Variants in GPC5 observed in about 807,000 individuals in gnomAD.
The protein encoded by GPC5 is glypican 5.
A neutral mutation model predicts 53.9 loss-of-function variants in GPC5; 47 were observed. The observed-to-expected ratio is 0.87, with a 90% CI of 0.69 to 1.11. GPC5 has a LOEUF of 1.11. Ranked by LOEUF, GPC5 falls within the 50% of genes most tolerant of loss-of-function variation. The pLI is 0.00. For synonymous variants in GPC5, 286 were observed against 263.3 expected, an observed-to-expected ratio of 1.09 and a Z score of -0.84; for missense variants, 748 against 713.1, an observed-to-expected ratio of 1.05 and a Z score of -0.56.
intron 2 of GPC5, among the ~76,000 whole-genome samples, chr13:91,551,612 A>G (rs2030643358): frequency 6.6e-6 from 1 of 152,120 alleles, no homozygotes. Flanking sequence ...TTAAAAATGT[A>G]TTGTACAATG....
chr13:91,533,014 T>A (rs969953058), intron 2 of GPC5, among the ~76,000 whole-genome samples: 17 of 152,182 alleles, frequency 1.1e-4, no homozygotes, highest in African/African-American at 3.9e-4. Flanking sequence ...GATGTATAAG[T>A]GTGTGGATGA....
intron 2 of GPC5, among the ~76,000 whole-genome samples, chr13:91,621,761 T>TATATATATATATA (rs11462875): frequency 0.11 from 4,905 of 45,870 alleles, 1,013 homozygotes; most frequent in Non-Finnish European, 0.16. Context: ...GGACAGAACA[T>TATATATATATATA]TATATATATA....
chr13:91,923,097 C>T (rs1354642151), intron 6 of GPC5, among the ~76,000 whole-genome samples: 2 of 152,156 alleles, frequency 1.3e-5, no homozygotes, highest in Non-Finnish European at 2.9e-5. Context: ...CTCTAGTTAC[C>T]CTAAGGTTGA....
intron 5 of GPC5, among the ~76,000 whole-genome samples, chr13:91,869,455 C>A (rs1289842602): frequency 6.6e-6 from 1 of 152,158 alleles, no homozygotes; most frequent in African/African-American, 2.4e-5. Context: ...ACTGCAATAT[C>A]TTCTGAAAAT....
intron 5 of GPC5, among the ~76,000 whole-genome samples, chr13:91,820,768 C>T (rs1176449127): frequency 3.9e-5 from 6 of 152,022 alleles, no homozygotes; most frequent in African/African-American, 7.2e-5. Flanking sequence ...TCGAGACCAT[C>T]CTGGCTAACA....
At chr13:92,303,379 A>C (rs902268092) in intron 7 of GPC5, among the ~76,000 whole-genome samples, 1 of 152,208 alleles carries the variant, frequency 6.6e-6, no homozygotes, top group Non-Finnish European at 1.5e-5. Flanking sequence ...AGAATGTCTC[A>C]TTCTGAAATA....
chr13:91,726,105 C>T (rs115967704), intron 3 of GPC5, among the ~76,000 whole-genome samples: 223 of 152,206 alleles, frequency 1.5e-3, no homozygotes, highest in African/African-American at 4.5e-3. Flanking sequence ...TAATTTAGCA[C>T]GTTTCTAATA....
intron 5 of GPC5, among the ~76,000 whole-genome samples, chr13:91,816,503 G>A (rs1310863260): frequency 6.6e-6 from 1 of 152,082 alleles, no homozygotes; most frequent in Non-Finnish European, 1.5e-5. Flanking sequence ...AATTCACCCA[G>A]CATTGAAATC....
chr13:92,602,775 T>C (rs187564943), intron 7 of GPC5, among the ~76,000 whole-genome samples: 2 of 152,298 alleles, frequency 1.3e-5, no homozygotes, highest in Admixed American at 1.3e-4. Flanking sequence ...ATTGCTGTGT[T>C]GGACCATACT....
At chr13:91,984,750 T>G (rs753578535) in intron 6 of GPC5, among the ~76,000 whole-genome samples, 1 of 152,226 alleles carries the variant, frequency 6.6e-6, no homozygotes, top group African/African-American at 2.4e-5. Context: ...TCTTTTTCAT[T>G]AAAAAGCCTA....
chr13:92,324,198 T>A (rs1566539059), intron 7 of GPC5, among the ~76,000 whole-genome samples: 1 of 152,012 alleles, frequency 6.6e-6, no homozygotes, highest in Non-Finnish European at 1.5e-5. Flanking sequence ...TATGTTTGCA[T>A]ATATAGGATA....
intron 5 of GPC5, among the ~76,000 whole-genome samples, chr13:91,893,645 C>A (rs1319352488): frequency 6.6e-6 from 1 of 152,080 alleles, no homozygotes; most frequent in Non-Finnish European, 1.5e-5. Flanking sequence ...ATGTATCTGA[C>A]AAAATAGGAC....
intron 7 of GPC5, among the ~76,000 whole-genome samples, chr13:92,435,178 G>C (rs1000163656): frequency 6.6e-6 from 1 of 152,122 alleles, no homozygotes; most frequent in Admixed American, 6.5e-5. Context: ...GCGTCCCAAA[G>C]TACTGGGATT....
intron 7 of GPC5, among the ~76,000 whole-genome samples, chr13:92,741,970 A>G (rs1354019183): frequency 6.6e-6 from 1 of 151,988 alleles, no homozygotes; most frequent in Admixed American, 6.6e-5. Context: ...ACATTTTCTT[A>G]ATCCAGTCTA....
chr13:92,553,767 A>C (rs1235828483), intron 7 of GPC5, among the ~76,000 whole-genome samples: 1 of 151,960 alleles, frequency 6.6e-6, no homozygotes, highest in African/African-American at 2.4e-5. Flanking sequence ...CTTCAACTTT[A>C]TACAAACATG....
chr13:91,890,826 A>G (rs1413200646), intron 5 of GPC5, among the ~76,000 whole-genome samples: 64 of 152,200 alleles, frequency 4.2e-4, no homozygotes, highest in Admixed American at 4.2e-3. Context: ...CATGCAAAAA[A>G]GAAGGCATTA....
intron 2 of GPC5, among the ~76,000 whole-genome samples, chr13:91,659,744 T>C (rs1199214589): frequency 6.6e-6 from 1 of 152,056 alleles, no homozygotes; most frequent in Non-Finnish European, 1.5e-5. Flanking sequence ...TTACCACCTG[T>C]CCCCCACCGC....
chr13:92,548,136 G>A (rs953296056), intron 7 of GPC5, among the ~76,000 whole-genome samples: 1 of 151,818 alleles, frequency 6.6e-6, no homozygotes, highest in Non-Finnish European at 1.5e-5. Context: ...ACTGCGCCCG[G>A]CCATGGCTAT....
intron 5 of GPC5, among the ~76,000 whole-genome samples, chr13:91,851,376 G>A (rs1293656192): frequency 6.6e-6 from 1 of 152,116 alleles, no homozygotes; most frequent in Admixed American, 6.5e-5. Context: ...TTCAGGACTG[G>A]AAGTTGCTCT....
Sources: gnomAD v4.1 joint callset for allele counts (sites outside exome capture counted in the v4.1 genomes callset) on GRCh38, gnomAD v4.1.1 for gene constraint, MANE v1.5 for transcripts, NCBI Gene and HGNC (gene_info 2026-07-23, HGNC 2026-07-21) for gene names.